Variants in FBXO11 observed in about 807,000 individuals in gnomAD.
The protein encoded by FBXO11 is F-box only protein 11.
FBXO11 carries 13 observed loss-of-function variants against 117.0 expected under a neutral mutation model. The ratio of observed to expected loss-of-function variants is 0.11; its 90% confidence interval spans 0.07 to 0.18. The LOEUF (loss-of-function observed/expected upper bound fraction) is 0.18, where lower values mean the gene tolerates loss of function less well. Ranked by LOEUF, FBXO11 falls within the 10% of genes least tolerant of loss-of-function variation. The pLI is 1.00. For missense variants in FBXO11, 767 were observed against 1,164.4 expected (o/e 0.66, Z 4.97); for synonymous variants, 490 against 380.5 (o/e 1.29, Z -3.35).
chr2:47,839,320 AAAGGT>A (rs1213083223), intron 3 of FBXO11, 94 bp downstream of exon 3: 1 of 1,077,318 alleles, frequency 9.3e-7, no homozygotes, highest in African/African-American at 1.6e-5. Context: ...TCTGAATCCC[AAAGGT>A]AATACTCGAA....
At chr2:47,824,011 A>G (rs1671567537) in intron 11 of FBXO11, among the ~76,000 whole-genome samples, 1 of 152,156 alleles carries the variant, frequency 6.6e-6, no homozygotes, top group African/African-American at 2.4e-5. Flanking sequence ...AATGACTTAA[A>G]TGTTTTAGCA....
At chr2:47,808,852 C>T in intron 21 of FBXO11, 1 of 270,982 alleles carries the variant, frequency 3.7e-6, no homozygotes, top group East Asian at 7.5e-5. Context: ...TAGGTTTTTC[C>T]ATAGTTATGG....
At chr2:47,826,786 C>G (rs111965445) in intron 11 of FBXO11, among the ~76,000 whole-genome samples, 20,315 of 151,926 alleles carry the variant, frequency 0.13, 1,572 homozygotes, top group Non-Finnish European at 0.18. Flanking sequence ...ATTTTTTTGA[C>G]ACAGAGTCTC....
At chr2:47,905,349 G>T (rs538885137) in intron 1 of FBXO11, 140 bp downstream of exon 1, 2 of 908,226 alleles carry the variant, frequency 2.2e-6, no homozygotes, top group Non-Finnish European at 2.8e-6. Flanking sequence ...GCGGCACCGG[G>T]GGACCCGCCT....
intron 1 of FBXO11, among the ~76,000 whole-genome samples, chr2:47,895,698 G>C (rs904472069): frequency 6.6e-6 from 1 of 152,058 alleles, no homozygotes; most frequent in Non-Finnish European, 1.5e-5. Flanking sequence ...AGTTTATGTT[G>C]TTGTTTTTTT....
chr2:47,849,888 C>A (rs1338349484), intron 1 of FBXO11, among the ~76,000 whole-genome samples: 1 of 152,138 alleles, frequency 6.6e-6, no homozygotes, highest in East Asian at 1.9e-4. Context: ...CTATTACAAA[C>A]ACTTAAAATA....
rs1183153525 is a variant in FBXO11 at position 47,809,111 on chromosome 2, G to T, written c.2555+47C>A. The T allele has an allele frequency of 4.9e-6, 6 of 1,224,104 alleles. No individual in the cohort carries two copies. The East Asian group carries it at 1.4e-4, about 29-fold the overall frequency. 75.8% of individuals were successfully genotyped at this position (1,224,104 alleles called of 1,614,324 possible). A position where few individuals can be genotyped will look rare whatever the true frequency, so the allele number is the denominator to read the frequency against. On this transcript the variant is annotated intron_variant, in intron 21 of 22. Coordinates refer to ENST00000403359, the MANE Select transcript of FBXO11 (RefSeq NM_001190274.2). ...TGCTAGGCATTGCTAATTTAAAAAG[G>T]AAATCAGTCTTCCTCTTTTCAGGAC...
At chr2:47,810,118 A>G (rs1389887510) in intron 19 of FBXO11, 198 bp downstream of exon 19, 7 of 528,580 alleles carry the variant, frequency 1.3e-5, no homozygotes, top group East Asian at 6.2e-5. Flanking sequence ...AATAAGAGCA[A>G]TATTTCTTAG....
Position 47,838,931 on chromosome 2 carries a change from A to C in FBXO11, c.515T>G (p.Leu172Arg). Residue 172 changes from leucine to arginine, a missense_variant, in exon 4 of 23, where the codon CTG (leucine) becomes CGG (arginine). Transcript: ENST00000403359. ...EVVLKIFSYLLEQDLCRAACV... is the reference protein window; with the variant it reads ...EVVLKIFSYLREQDLCRAACV... Reference sequence around the variant, plus strand: ...AGCTGCTCTACAAAGATCCTGTTCCAGCAAGTAAGAGAAGATTTTTAGAAC... The same window carrying C: ...AGCTGCTCTACAAAGATCCTGTTCCCGCAAGTAAGAGAAGATTTTTAGAAC... The C allele has an allele frequency of 6.2e-7, 1 of 1,614,130 alleles. No homozygotes were observed. The highest frequency in any genetic ancestry group is 8.5e-7 in the Non-Finnish European group (1 of 1,179,980).
intron 16 of FBXO11, among the ~76,000 whole-genome samples, chr2:47,815,033 A>G (rs930540218): frequency 6.6e-6 from 1 of 152,126 alleles, no homozygotes; most frequent in African/African-American, 2.4e-5. Flanking sequence ...CCATTTTCTA[A>G]TTCTACTTCT....
intron 1 of FBXO11, among the ~76,000 whole-genome samples, chr2:47,882,480 T>A (rs1028950551): frequency 6.6e-6 from 1 of 152,330 alleles, no homozygotes. Context: ...TCTACTGTCA[T>A]GTTTTGGTTT....
At position 47,830,788 on chromosome 2, in the gene FBXO11, G is replaced by C. The variant is rs76276193; in HGVS notation, c.1398+1561C>G. Among the ~76,000 whole-genome samples the C allele has an allele frequency of 4.5e-3, 678 of 152,152 alleles. 3 individuals are homozygous for C. Among genetic ancestry groups the C allele is most frequent in the Middle Eastern group, 0.024 (7 of 294 alleles). ...AATAAGGGACCATCCCATCACCAGA[G>C]GTCTTTCAAAAATGATGAACTTGGC... On this transcript the variant is annotated intron_variant, in intron 11 of 22. Coordinates refer to ENST00000403359, the MANE Select transcript of FBXO11 (RefSeq NM_001190274.2).
At chr2:47,892,012 G>A (rs1677293425) in intron 1 of FBXO11, among the ~76,000 whole-genome samples, 1 of 152,092 alleles carries the variant, frequency 6.6e-6, no homozygotes, top group South Asian at 2.1e-4. Flanking sequence ...ATATTTTGGA[G>A]ATTAACTCCT....
chr2:47,887,121 A>G (rs1340998618), intron 1 of FBXO11, among the ~76,000 whole-genome samples: 1 of 152,036 alleles, frequency 6.6e-6, no homozygotes, highest in Non-Finnish European at 1.5e-5. Context: ...CCCCATCTCT[A>G]CTAAAAATAC....
Position 47,864,985 on chromosome 2 carries a change from TGTTA to T in FBXO11, c.233-25220_233-25217del, listed in dbSNP as rs980745702. Among the ~76,000 whole-genome samples, 20 of 152,362 alleles carry T rather than the reference TGTTA, an allele frequency of 1.3e-4. 1 individual carries two copies. Among genetic ancestry groups the T allele is most frequent in the African/African-American group, 4.6e-4 (19 of 41,586 alleles). On this transcript the variant is annotated intron_variant, in intron 1 of 22. Coordinates refer to ENST00000403359, the MANE Select transcript of FBXO11 (RefSeq NM_001190274.2). ...TGTACAAACAAAACACCTGGGCGCT[TGTTA>T]GTTTAAACCTATTTATAGAGTAAAA...
chr2:47,809,860 CCAA>C (rs1670489221), intron 19 of FBXO11, 153 bp from the exon 20 acceptor site: 1 of 561,836 alleles, frequency 1.8e-6, no homozygotes, highest in African/African-American at 1.9e-5. Flanking sequence ...ATTTCAACCA[CCAA>C]CAGTAACATT....
chr2:47,820,270 T>A, intron 14 of FBXO11, 92 bp downstream of exon 14: 2 of 835,518 alleles, frequency 2.4e-6, no homozygotes, highest in Non-Finnish European at 3.6e-6. Flanking sequence ...CCTCAAAAGT[T>A]GAATATGGCC....
intron 1 of FBXO11, among the ~76,000 whole-genome samples, chr2:47,843,181 A>G (rs1673142970): frequency 6.6e-6 from 1 of 152,214 alleles, no homozygotes; most frequent in South Asian, 2.1e-4. Context: ...GAGGTCTAAT[A>G]TGTGTAATTC....
intron 1 of FBXO11, among the ~76,000 whole-genome samples, chr2:47,904,340 C>T (rs1163445504): frequency 6.6e-6 from 1 of 152,160 alleles, no homozygotes; most frequent in African/African-American, 2.4e-5. Context: ...CTGCGAACAG[C>T]TAATTAATAA....
Sources: gnomAD v4.1 joint callset for allele counts (sites outside exome capture counted in the v4.1 genomes callset) on GRCh38, gnomAD v4.1.1 for gene constraint, MANE v1.5 for transcripts, NCBI Gene and HGNC (gene_info 2026-07-23, HGNC 2026-07-21) for gene names.